Variants in HMGB1 observed in about 807,000 individuals in gnomAD.
The protein encoded by HMGB1 is high mobility group box 1.
For missense variants in HMGB1, 79 were observed against 253.5 expected (o/e 0.31, Z 4.67); for synonymous variants, 81 against 84.0 (o/e 0.96, Z 0.19).
intron 1 of HMGB1, among the ~76,000 whole-genome samples, chr13:30,498,839 G>A (rs976237366): frequency 6.6e-6 from 1 of 151,648 alleles, no homozygotes; most frequent in African/African-American, 2.4e-5. Flanking sequence ...GTAGAGACAG[G>A]GTTTCACCAT....
intron 1 of HMGB1, among the ~76,000 whole-genome samples, chr13:30,608,429 A>G (rs1034171089): frequency 6.6e-6 from 1 of 152,162 alleles, no homozygotes; most frequent in African/African-American, 2.4e-5. Context: ...ATTAATACCT[A>G]TTGAGTACTG....
chr13:30,586,402 C>T (rs1392679050), intron 1 of HMGB1, among the ~76,000 whole-genome samples: 1 of 151,568 alleles, frequency 6.6e-6, no homozygotes, highest in Non-Finnish European at 1.5e-5. Context: ...CCTTACTGTA[C>T]TGCTCCTGGG....
intron 2 of HMGB1, 66 bp downstream of exon 2, chr13:30,463,461 GCTTT>G: frequency 6.5e-7 from 1 of 1,542,566 alleles, no homozygotes; most frequent in South Asian, 1.2e-5. Flanking sequence ...TGCCAACTAG[GCTTT>G]TTTTTGCATC....
intron 1 of HMGB1, among the ~76,000 whole-genome samples, chr13:30,577,769 A>C (rs1870721890): frequency 6.6e-6 from 1 of 152,226 alleles, no homozygotes. Flanking sequence ...TAATGCTTAC[A>C]ACACAGCTTG....
intron 1 of HMGB1, among the ~76,000 whole-genome samples, chr13:30,483,617 C>CTT (rs61395953): frequency 0.025 from 3,394 of 135,782 alleles, 141 homozygotes; most frequent in African/African-American, 0.079. Context: ...GTGCAAATTT[C>CTT]TTTTTTTTTT....
rs1388549230 is a variant in HMGB1 at position 30,460,493 on chromosome 13, A to G, written c.*864T>C. ...TTTAATGTGGGAACTGCAAAATATA[A>G]CTGCCATTACATGGTAATGGGAGTT... is the stretch of plus-strand genomic sequence containing the variant. On this transcript the variant is annotated 3_prime_UTR_variant, in exon 5 of 5. Coordinates refer to ENST00000341423, the MANE Select transcript of HMGB1 (RefSeq NM_002128.7). The G allele has an allele frequency of 3.3e-5, 5 of 151,980 alleles. No individual in the cohort carries two copies. The East Asian group carries it at 9.7e-4, about 29-fold the overall frequency. The allele number at this position is 151,980 out of a possible 1,614,324, so 9.4% of individuals were successfully genotyped here.
intron 1 of HMGB1, among the ~76,000 whole-genome samples, chr13:30,612,466 C>A (rs74043518): frequency 0.019 from 2,866 of 152,242 alleles, 92 homozygotes; most frequent in African/African-American, 0.065. Context: ...CAGCTTCAAG[C>A]GAATACAGTT....
rs926337263 is a variant in HMGB1, at chr13:30,459,142, A to T, written c.*2215T>A. On this transcript the variant is annotated 3_prime_UTR_variant, in exon 5 of 5. Transcript: ENST00000341423. ...TTAAAATAGTTTCTATACACTTTCT[A>T]AAAAAAATCATCTTCAGTTACAAGG... is the stretch of plus-strand genomic sequence containing the variant. 1.3e-5 allele frequency: 2 copies of T among 151,544 alleles called. No homozygotes were observed. The highest frequency in any genetic ancestry group is 2.9e-5 in the Non-Finnish European group (2 of 67,904). The allele number at this position is 151,544 out of a possible 1,614,324, so 9.4% of individuals were successfully genotyped here.
At chr13:30,582,893 T>C (rs1870965497) in intron 1 of HMGB1, among the ~76,000 whole-genome samples, 1 of 152,158 alleles carries the variant, frequency 6.6e-6, no homozygotes, top group Non-Finnish European at 1.5e-5. Context: ...AAATATAACC[T>C]AAATCTAACA....
chr13:30,611,365 T>C (rs1593346191), intron 1 of HMGB1, among the ~76,000 whole-genome samples: 1 of 152,230 alleles, frequency 6.6e-6, no homozygotes, highest in Admixed American at 6.5e-5. Flanking sequence ...GGTTTCACCA[T>C]GCTGGCCAGG....
At chr13:30,538,162 G>A (rs1180199719) in intron 1 of HMGB1, among the ~76,000 whole-genome samples, 3 of 152,198 alleles carry the variant, frequency 2.0e-5, no homozygotes, top group Non-Finnish European at 4.4e-5. Flanking sequence ...CTTACAGGAC[G>A]TTGTTGAAAA....
intron 1 of HMGB1, among the ~76,000 whole-genome samples, chr13:30,582,969 T>C (rs566766062): frequency 3.3e-5 from 5 of 152,308 alleles, no homozygotes; most frequent in East Asian, 1.9e-4. Context: ...CTTGTACTAC[T>C]GTAGATGACT....
chr13:30,533,598 C>T (rs890337431), intron 1 of HMGB1, among the ~76,000 whole-genome samples: 4 of 152,066 alleles, frequency 2.6e-5, no homozygotes, highest in Admixed American at 1.3e-4. Context: ...CTCCTGACCT[C>T]GAGTGATCCA....
intron 1 of HMGB1, among the ~76,000 whole-genome samples, chr13:30,592,173 T>TA (rs138146680): frequency 4.6e-4 from 68 of 146,872 alleles, no homozygotes; most frequent in South Asian, 8.6e-4. Flanking sequence ...GCCACAAAAT[T>TA]AAAAAAAAAA....
chr13:30,593,539 A>G (rs549145725), intron 1 of HMGB1, among the ~76,000 whole-genome samples: 3 of 152,320 alleles, frequency 2.0e-5, no homozygotes, highest in African/African-American at 7.2e-5. Context: ...CAGTTGTCGA[A>G]CCACCCATCT....
chr13:30,572,080 C>T (rs1382579868), intron 1 of HMGB1, among the ~76,000 whole-genome samples: 1 of 152,116 alleles, frequency 6.6e-6, no homozygotes, highest in Non-Finnish European at 1.5e-5. Flanking sequence ...GGAGAGTAAG[C>T]ATGACTTCAA....
chr13:30,612,202 T>C (rs1344004919), intron 1 of HMGB1, among the ~76,000 whole-genome samples: 1 of 152,024 alleles, frequency 6.6e-6, no homozygotes, highest in African/African-American at 2.4e-5. Context: ...CATATACACA[T>C]ACACATATAT....
Position 30,562,308 on chromosome 13 carries a change from A to G in HMGB1, c.-15+54363T>C, listed in dbSNP as rs927846629. On this transcript the variant is annotated intron_variant, in intron 1 of 4. Coordinates refer to the HMGB1 transcript ENST00000405805. Reference sequence around the variant, plus strand: ...CTAGACTCAGTCTCAAAAAAAAAAAAAAAAGATGTATTTATTCTCACTGTA... The same window carrying G: ...CTAGACTCAGTCTCAAAAAAAAAAAGAAAAGATGTATTTATTCTCACTGTA... Among the ~76,000 whole-genome samples the G allele has an allele frequency of 3.1e-3, 466 of 152,150 alleles. 3 individuals are homozygous for G. The highest frequency in any genetic ancestry group is 0.011 in the African/African-American group (445 of 41,526).
At chr13:30,514,947 G>C (rs1888070441) in intron 1 of HMGB1, among the ~76,000 whole-genome samples, 1 of 152,226 alleles carries the variant, frequency 6.6e-6, no homozygotes, top group African/African-American at 2.4e-5. Flanking sequence ...CAGAGTAAGT[G>C]AGTATGACGA....
Sources: gnomAD v4.1 joint callset for allele counts (sites outside exome capture counted in the v4.1 genomes callset) on GRCh38, gnomAD v4.1.1 for gene constraint, MANE v1.5 for transcripts, NCBI Gene and HGNC (gene_info 2026-07-23, HGNC 2026-07-21) for gene names.